Variants in HACD2 observed in about 807,000 individuals in gnomAD.
The protein encoded by HACD2 is 3-hydroxyacyl-CoA dehydratase 2, also known as very-long-chain (3R)-3-hydroxyacyl-CoA dehydratase 2.
A neutral mutation model predicts 31.0 loss-of-function variants in HACD2; 15 were observed. That is an observed-to-expected ratio of 0.48 (90% CI 0.32 to 0.75). The LOEUF (loss-of-function observed/expected upper bound fraction) is 0.75, where lower values mean the gene tolerates loss of function less well. Ranked by LOEUF, HACD2 falls within the 30% of genes least tolerant of loss-of-function variation. HACD2 has a pLI of 0.03. For synonymous variants in HACD2, 115 were observed against 122.2 expected (o/e 0.94, Z 0.39); for missense variants, 283 against 313.0 (o/e 0.90, Z 0.72).
At chr3:123,552,839 C>A (rs1164449734) in intron 3 of HACD2, among the ~76,000 whole-genome samples, 1 of 150,664 alleles carries the variant, frequency 6.6e-6, no homozygotes, top group South Asian at 2.1e-4. Context: ...TTCAAAGCAC[C>A]CAAAGGAGAA....
In HACD2 at chr3:123,491,670, T is replaced by C. The variant is rs748953928; in HGVS notation, c.*3218A>G. 3.3e-5 allele frequency: 5 copies of C among 152,644 alleles called. No individual in the cohort carries two copies. Among genetic ancestry groups the C allele is most frequent in the Non-Finnish European group, 5.9e-5 (4 of 68,032 alleles). The allele number at this position is 152,644 out of a possible 1,614,324, so 9.5% of individuals were successfully genotyped here. ...TAAAAACAGCTTTCAAATGCATGCA[T>C]AGAAAGTTAAGCGTAGTCTCTGGAC... On this transcript the variant is annotated 3_prime_UTR_variant, in exon 7 of 7. Transcript: ENST00000383657.
chr3:123,561,179 T>C (rs1162475366), intron 3 of HACD2, among the ~76,000 whole-genome samples: 1 of 152,136 alleles, frequency 6.6e-6, no homozygotes, highest in Non-Finnish European at 1.5e-5. Context: ...GGGGTGGGTC[T>C]CCCTAGCGGC....
At chr3:123,550,996 G>A (rs1239892082) in intron 3 of HACD2, among the ~76,000 whole-genome samples, 1 of 152,146 alleles carries the variant, frequency 6.6e-6, no homozygotes, top group Non-Finnish European at 1.5e-5. Flanking sequence ...TGGTAGTGTG[G>A]GAGAGTGAAC....
At chr3:123,538,582 G>A (rs2056453060) in intron 3 of HACD2, among the ~76,000 whole-genome samples, 2 of 152,142 alleles carry the variant, frequency 1.3e-5, no homozygotes, top group Non-Finnish European at 2.9e-5. Flanking sequence ...TCTCTAACTA[G>A]GGCATGCATA....
chr3:123,581,715 CTAATCTATACTT>C (rs2056968303), intron 2 of HACD2, among the ~76,000 whole-genome samples: 1 of 152,148 alleles, frequency 6.6e-6, no homozygotes, highest in African/African-American at 2.4e-5. Flanking sequence ...TTCCAAAATC[CTAATCTATACTT>C]ACCCCAAGAG....
intron 4 of HACD2, among the ~76,000 whole-genome samples, chr3:123,511,106 C>T (rs938228659): frequency 6.6e-6 from 1 of 151,966 alleles, no homozygotes; most frequent in Non-Finnish European, 1.5e-5. Context: ...ATATTCAAAT[C>T]CTTTGCCCAT....
At chr3:123,542,591 G>T (rs561934657) in intron 3 of HACD2, among the ~76,000 whole-genome samples, 1 of 152,150 alleles carries the variant, frequency 6.6e-6, no homozygotes, top group Non-Finnish European at 1.5e-5. Flanking sequence ...AGATGCCAAC[G>T]GCATAAGCCA....
chr3:123,562,743 G>A (rs1576230347), intron 3 of HACD2, among the ~76,000 whole-genome samples: 1 of 152,196 alleles, frequency 6.6e-6, no homozygotes, highest in East Asian at 1.9e-4. Context: ...CACAGCTAGT[G>A]AGTAACCCTA....
chr3:123,540,805 T>G (rs2056481081), intron 3 of HACD2, among the ~76,000 whole-genome samples: 1 of 152,168 alleles, frequency 6.6e-6, no homozygotes, highest in Non-Finnish European at 1.5e-5. Flanking sequence ...AATTGAACTT[T>G]TAAAAAACAG....
intron 4 of HACD2, among the ~76,000 whole-genome samples, chr3:123,503,923 T>A (rs1375925946): frequency 2.6e-5 from 4 of 152,252 alleles, no homozygotes; most frequent in Non-Finnish European, 4.4e-5. Flanking sequence ...AAAGTGTACA[T>A]GGAGCGGTCC....
chr3:123,541,141 C>T (rs932693885), intron 3 of HACD2, among the ~76,000 whole-genome samples: 5 of 152,052 alleles, frequency 3.3e-5, no homozygotes, highest in African/African-American at 7.2e-5. Flanking sequence ...TGTGGTGGTA[C>T]GCACCTGTAA....
At position 123,500,506 on chromosome 3, in the gene HACD2, T is replaced by C; in HGVS notation, c.682+9A>G. 1 of 1,570,676 alleles carries C rather than the reference T, an allele frequency of 6.4e-7. No individual in the cohort carries two copies. The highest frequency in any genetic ancestry group is 8.7e-7 in the Non-Finnish European group (1 of 1,148,612). On this transcript the variant is annotated intron_variant, in intron 6 of 6. Coordinates refer to ENST00000383657, the MANE Select transcript of HACD2 (RefSeq NM_198402.5). The stretch of plus-strand genomic sequence containing the variant: ...ACATAATTAAATATACGCATAACTG[T>C]TTACTTACTTGGAATGTAGGAGATC...
Position 123,582,313 on chromosome 3 carries a change from C to A in HACD2, c.172G>T (p.Val58Phe). The A allele has an allele frequency of 6.3e-7, 1 of 1,580,850 alleles. No individual in the cohort carries two copies. Among genetic ancestry groups the A allele is most frequent in the Non-Finnish European group, 8.6e-7 (1 of 1,166,894 alleles). Reference protein sequence around the residue: ...VMTAGWLVIAVGLVRAYLAKG... With the variant: ...VMTAGWLVIAFGLVRAYLAKG... ...GCCAGGTATGCTCGGACCAGACCAA[C>A]CGCTATAACCAGCCACCTAGTAAAA... Residue 58 changes from valine (V) to phenylalanine (F), a missense_variant, in exon 2 of 7, where the codon GTT becomes TTT. Val to Phe is a conservative substitution (Grantham distance 50). Coordinates refer to ENST00000383657, the MANE Select transcript of HACD2 (RefSeq NM_198402.5).
intron 3 of HACD2, among the ~76,000 whole-genome samples, chr3:123,534,040 G>GTGTGTC (rs2056397256): frequency 6.6e-6 from 1 of 151,732 alleles, no homozygotes; most frequent in Non-Finnish European, 1.5e-5. Context: ...GTGTGTGTGT[G>GTGTGTC]TGTGTGTGTG....
chr3:123,539,911 TAAAAAAAAA>T (rs71142741), intron 3 of HACD2, among the ~76,000 whole-genome samples: 30 of 24,478 alleles, frequency 1.2e-3, no homozygotes, highest in Admixed American at 1.9e-3. Context: ...TCGTCTCTAC[TAAAAAAAAA>T]AAAAAAAAAA....
At chr3:123,561,348 C>A (rs2056727212) in intron 3 of HACD2, among the ~76,000 whole-genome samples, 1 of 152,068 alleles carries the variant, frequency 6.6e-6, no homozygotes, top group Non-Finnish European at 1.5e-5. Context: ...AGCTGGCACA[C>A]ACAGCAAATA....
intron 3 of HACD2, among the ~76,000 whole-genome samples, chr3:123,551,750 T>C (rs928225412): frequency 1.3e-5 from 2 of 152,204 alleles, no homozygotes; most frequent in Non-Finnish European, 2.9e-5. Flanking sequence ...AATTTATCTA[T>C]AGAGATTAAT....
intron 4 of HACD2, among the ~76,000 whole-genome samples, chr3:123,517,400 C>G (rs1195485342): frequency 6.6e-6 from 1 of 152,216 alleles, no homozygotes; most frequent in Non-Finnish European, 1.5e-5. Context: ...TTTCATGCAA[C>G]TATTACCTTC....
At chr3:123,502,476 C>A in intron 5 of HACD2, 84 bp downstream of exon 5, 1 of 1,411,992 alleles carries the variant, frequency 7.1e-7, no homozygotes. Context: ...TTTTTAGAAA[C>A]TTTGAGGCAA....
Sources: gnomAD v4.1 joint callset for allele counts (sites outside exome capture counted in the v4.1 genomes callset) on GRCh38, gnomAD v4.1.1 for gene constraint, MANE v1.5 for transcripts, NCBI Gene and HGNC (gene_info 2026-07-23, HGNC 2026-07-21) for gene names.